The following TPRG1 variants were observed in gnomAD, a reference collection of about 807,000 sequenced individuals.
TPRG1 encodes the protein tumor protein p63-regulated gene 1 protein.
Under a neutral mutation model 29.3 loss-of-function variants are expected in TPRG1, and 29 were observed. The observed-to-expected ratio is 0.99, with a 90% confidence interval of 0.74 to 1.35. TPRG1 has a LOEUF of 1.35. TPRG1 is among the 40% of genes most tolerant of loss of function. TPRG1 has a pLI of 0.00. For missense variants in TPRG1, 327 were observed against 335.0 expected (o/e 0.98, Z 0.19); for synonymous variants, 130 against 116.8 (o/e 1.11, Z -0.73).
intron 5 of TPRG1, chr3:189,315,663 T>G (rs1008279155): frequency 3.1e-6 from 1 of 323,826 alleles, no homozygotes; most frequent in Admixed American, 4.3e-5. Context: ...GAACCAATGT[T>G]TTAGCAATTA....
intron 4 of TPRG1, among the ~76,000 whole-genome samples, chr3:189,307,308 G>T (rs1414197584): frequency 2.0e-5 from 3 of 152,210 alleles, no homozygotes; most frequent in African/African-American, 7.2e-5. Flanking sequence ...ACAGGCGTGA[G>T]TCACCGCACC....
At chr3:189,152,440 C>T (rs995557172) in intron 5 of TPRG1, among the ~76,000 whole-genome samples, 13 of 152,100 alleles carry the variant, frequency 8.5e-5, no homozygotes, top group South Asian at 6.2e-4. Context: ...TACATGTGGA[C>T]GGTTTCCTTT....
At position 189,214,091 on chromosome 3, in the gene TPRG1, G is replaced by T. The variant is rs542677889; in HGVS notation, c.211-1201G>T. On this transcript the variant is annotated intron_variant, in intron 2 of 5. Transcript: ENST00000345063. ...CAAAGGATAGATCATTTTTCATTTT[G>T]ATAGGCTTTGCCAATTATTTTCCAT... 3.3e-5 allele frequency among the ~76,000 whole-genome samples: 5 copies of T among 152,180 alleles called. No individual in the cohort carries two copies. The South Asian group carries it at 1.0e-3, about 32-fold the overall frequency.
chr3:189,122,858 T>C (rs1721993919), intron 1 of TPRG1, among the ~76,000 whole-genome samples: 1 of 152,206 alleles, frequency 6.6e-6, no homozygotes, highest in African/African-American at 2.4e-5. Flanking sequence ...ATGAAAAAAT[T>C]GAGGCCCGGA....
chr3:189,294,157 A>G (rs1209769413), intron 4 of TPRG1, among the ~76,000 whole-genome samples: 1 of 152,164 alleles, frequency 6.6e-6, no homozygotes, highest in African/African-American at 2.4e-5. Context: ...TTCTCACCAG[A>G]TGGTTATGCC....
At chr3:189,155,989 C>A (rs1162896835) in intron 5 of TPRG1, among the ~76,000 whole-genome samples, 2 of 152,078 alleles carry the variant, frequency 1.3e-5, no homozygotes, top group African/African-American at 4.8e-5. Flanking sequence ...AATAGTCTTA[C>A]CACAAAATGA....
At chr3:189,255,784 C>A (rs1711748501) in intron 4 of TPRG1, among the ~76,000 whole-genome samples, 1 of 152,172 alleles carries the variant, frequency 6.6e-6, no homozygotes, top group Admixed American at 6.5e-5. Flanking sequence ...TTATCCATTT[C>A]TTCTAGATTT....
chr3:189,298,741 T>C (rs1253570839), intron 4 of TPRG1, among the ~76,000 whole-genome samples: 1 of 152,226 alleles, frequency 6.6e-6, no homozygotes, highest in African/African-American at 2.4e-5. Context: ...TGTGGAAGTT[T>C]GCTTTGTCAT....
intron 5 of TPRG1, among the ~76,000 whole-genome samples, chr3:189,157,873 CCTGT>C (rs1157881553): frequency 1.3e-5 from 2 of 152,086 alleles, no homozygotes; most frequent in African/African-American, 4.8e-5. Flanking sequence ...GCAAATCTGG[CCTGT>C]CTGATAGCAC....
At chr3:189,287,618 C>T (rs927042782) in intron 4 of TPRG1, among the ~76,000 whole-genome samples, 1 of 151,806 alleles carries the variant, frequency 6.6e-6, no homozygotes, top group African/African-American at 2.4e-5. Context: ...AGGATGGTCT[C>T]GATCTCCTGA....
At chr3:189,244,658 G>A (rs1419660455) in intron 4 of TPRG1, among the ~76,000 whole-genome samples, 2 of 152,002 alleles carry the variant, frequency 1.3e-5, no homozygotes, top group African/African-American at 4.8e-5. Flanking sequence ...CAAGAGGATG[G>A]CATTAAACCA....
intron 4 of TPRG1, among the ~76,000 whole-genome samples, chr3:189,249,830 C>T (rs1479552300): frequency 6.6e-6 from 1 of 152,016 alleles, no homozygotes; most frequent in East Asian, 1.9e-4. Context: ...GTTCCTTCAC[C>T]TTATTTTTCT....
intron 4 of TPRG1, among the ~76,000 whole-genome samples, chr3:189,269,787 T>C (rs969020445): frequency 1.3e-5 from 2 of 152,238 alleles, no homozygotes; most frequent in African/African-American, 4.8e-5. Flanking sequence ...AAGAATTCCA[T>C]GGCAAAGCTG....
intron 4 of TPRG1, among the ~76,000 whole-genome samples, chr3:189,066,824 A>C (rs567563613): frequency 6.6e-6 from 1 of 152,212 alleles, no homozygotes; most frequent in African/African-American, 2.4e-5. Flanking sequence ...CTAGAGCAAC[A>C]AAATGAGAGA....
intron 1 of TPRG1, among the ~76,000 whole-genome samples, chr3:189,188,366 ATATTTTACTCTGTTT>A (rs1248120310): frequency 6.6e-6 from 1 of 152,130 alleles, no homozygotes; most frequent in African/African-American, 2.4e-5. Context: ...AAGGTGGAAA[ATATTTTACTCTGTTT>A]TGTTTCAGAC....
intron 1 of TPRG1, among the ~76,000 whole-genome samples, chr3:189,115,527 C>T (rs1180638204): frequency 6.6e-6 from 1 of 152,142 alleles, no homozygotes; most frequent in Non-Finnish European, 1.5e-5. Flanking sequence ...ATAGATTTGT[C>T]TTGTGGAGTT....
At chr3:189,123,695 T>C (rs1722088875) in intron 1 of TPRG1, 1 of 152,208 alleles carries the variant, frequency 6.6e-6, no homozygotes, top group Admixed American at 6.5e-5. Context: ...TATCAGCATT[T>C]ATAAGGTACA....
intron 1 of TPRG1, among the ~76,000 whole-genome samples, chr3:189,193,596 C>T (rs893633860): frequency 1.4e-5 from 2 of 143,524 alleles, no homozygotes; most frequent in East Asian, 2.0e-4. Flanking sequence ...GCTTTCCTCA[C>T]TCCTTTTCAT....
chr3:188,999,687 T>G (rs1262399815), intron 1 of TPRG1, among the ~76,000 whole-genome samples: 1 of 152,122 alleles, frequency 6.6e-6, no homozygotes, highest in Admixed American at 6.5e-5. Context: ...ATGATAGTTA[T>G]TATATTTATT....
Sources: gnomAD v4.1 joint callset for allele counts (sites outside exome capture counted in the v4.1 genomes callset) on GRCh38, gnomAD v4.1.1 for gene constraint, MANE v1.5 for transcripts, NCBI Gene and HGNC (gene_info 2026-07-23, HGNC 2026-07-21) for gene names.